KCNJ15: variants seen among roughly 807,000 people sequenced by gnomAD.
The protein encoded by KCNJ15 is potassium inwardly rectifying channel subfamily J member 15, also known as ATP-sensitive inward rectifier potassium channel 15.
Under a neutral mutation model 23.0 loss-of-function variants are expected in KCNJ15, and 14 were observed. The ratio of observed to expected loss-of-function variants is 0.61; its 90% CI spans 0.40 to 0.95. The LOEUF is 0.95. KCNJ15 is among the 40% of genes least tolerant of loss of function. KCNJ15 has a pLI of 0.00. For synonymous variants in KCNJ15, 185 were observed against 183.2 expected, an observed-to-expected ratio of 1.01 and a Z score of -0.08; for missense variants, 388 against 461.8, an observed-to-expected ratio of 0.84 and a Z score of 1.46.
chr21:38,252,709 T>C (rs1254122944), upstream of KCNJ15, among the ~76,000 whole-genome samples: 5 of 152,166 alleles, frequency 3.3e-5, no homozygotes, highest in Admixed American at 1.3e-4. Flanking sequence ...GATGGGAATA[T>C]TGAGGGATTG....
intron 1 of KCNJ15, among the ~76,000 whole-genome samples, chr21:38,244,706 C>T (rs1979246074): frequency 6.6e-6 from 1 of 152,020 alleles, no homozygotes; most frequent in Admixed American, 6.5e-5. Context: ...CCCTGCACAC[C>T]CTAGGATTCA....
chr21:38,288,030 G>GC (rs1984133651), intron 1 of KCNJ15, among the ~76,000 whole-genome samples: 1 of 81,424 alleles, frequency 1.2e-5, no homozygotes, highest in Non-Finnish European at 2.1e-5. Flanking sequence ...TTTTTTCTTT[G>GC]TTTTTTTTTT....
intron 1 of KCNJ15, among the ~76,000 whole-genome samples, chr21:38,296,378 C>T (rs1985159260): frequency 6.6e-6 from 1 of 152,160 alleles, no homozygotes; most frequent in African/African-American, 2.4e-5. Flanking sequence ...TTACATGAAA[C>T]TGTGGATGTT....
At chr21:38,288,433 G>A (rs530250853) in intron 1 of KCNJ15, among the ~76,000 whole-genome samples, 1 of 152,206 alleles carries the variant, frequency 6.6e-6, no homozygotes, top group South Asian at 2.1e-4. Flanking sequence ...ATGAAGATAA[G>A]AATTTTACCT....
intron 1 of KCNJ15, chr21:38,238,669 GA>G: frequency 1.9e-6 from 1 of 531,832 alleles, no homozygotes; most frequent in Non-Finnish European, 3.5e-6. Context: ...GGGCTCTGGA[GA>G]CTGTAATGTT....
intron 1 of KCNJ15, among the ~76,000 whole-genome samples, chr21:38,295,714 T>C (rs1294072273): frequency 6.6e-6 from 1 of 152,186 alleles, no homozygotes; most frequent in East Asian, 1.9e-4. Flanking sequence ...CCTAAGGCAG[T>C]AACATAAAAT....
chr21:38,284,928 GATGTATTTA>G (rs965796463), intron 1 of KCNJ15, among the ~76,000 whole-genome samples: 4 of 152,180 alleles, frequency 2.6e-5, no homozygotes, highest in African/African-American at 9.7e-5. Flanking sequence ...CTCATCTAAT[GATGTATTTA>G]ATGCCTCTTT....
intron 1 of KCNJ15, among the ~76,000 whole-genome samples, chr21:38,232,597 CT>C (rs1261478627): frequency 6.6e-6 from 1 of 151,726 alleles, no homozygotes; most frequent in East Asian, 1.9e-4. Context: ...TATACATTTT[CT>C]TCTAAACATT....
At chr21:38,251,471 CAGT>C (rs1404382484) in intron 1 of KCNJ15, among the ~76,000 whole-genome samples, 3 of 152,176 alleles carry the variant, frequency 2.0e-5, no homozygotes, top group Non-Finnish European at 4.4e-5. Flanking sequence ...CAACTAACTC[CAGT>C]AGAAGTTTAA....
intron 1 of KCNJ15, among the ~76,000 whole-genome samples, chr21:38,293,481 T>C (rs1299734429): frequency 6.6e-6 from 1 of 152,052 alleles, no homozygotes; most frequent in Non-Finnish European, 1.5e-5. Flanking sequence ...GCACAGCAAA[T>C]AGTTGGGAGC....
chr21:38,288,016 TTG>T, intron 1 of KCNJ15, among the ~76,000 whole-genome samples: 1 of 138,522 alleles, frequency 7.2e-6, no homozygotes, highest in Non-Finnish European at 1.6e-5. Context: ...GTTAAATAAC[TTG>T]TTTTTTTCTT....
intron 1 of KCNJ15, among the ~76,000 whole-genome samples, chr21:38,248,913 C>T (rs1279945498): frequency 6.6e-6 from 1 of 151,964 alleles, no homozygotes; most frequent in Non-Finnish European, 1.5e-5. Flanking sequence ...CTCCAAACTG[C>T]ATAAGGACCC....
In KCNJ15 at chr21:38,280,194, GGATGAACACCA is replaced by G. The variant is rs775692466; in HGVS notation, c.-116-16730_-116-16720del. Among the ~76,000 whole-genome samples the G allele has an allele frequency of 1.1e-3, 175 of 152,254 alleles. 1 individual carries two copies. Among genetic ancestry groups the G allele is most frequent in the Middle Eastern group, 0.01 (3 of 294 alleles). On this transcript the variant is annotated intron_variant, in intron 1 of 2. Coordinates refer to ENST00000398938, the MANE Select transcript of KCNJ15 (RefSeq NM_170736.3). Reference sequence around the variant, plus strand: ...GTCTAACTTAACCAGGGATCACTTAGGATGAACACCAGTTACACAGTATAGAAGACATAAAT... The same window carrying G: ...GTCTAACTTAACCAGGGATCACTTAGGTTACACAGTATAGAAGACATAAAT...
intron 1 of KCNJ15, among the ~76,000 whole-genome samples, chr21:38,232,139 T>G (rs556052288): frequency 1.5e-5 from 1 of 64,960 alleles, no homozygotes; most frequent in African/African-American, 3.4e-5. Flanking sequence ...CATTAGAGGT[T>G]TTTTTTTTTT....
rs138188277 is a variant in KCNJ15 at position 38,260,884 on chromosome 21, C to T, written c.-117+3699C>T. On this transcript the variant is annotated intron_variant, in intron 1 of 2. Transcript: ENST00000398938. ...AGAGCAGTCTTAATGTGCAGGGATC[C>T]GCATAGAACCAGCCAAGCAGGGCCT... Among the ~76,000 whole-genome samples the T allele has an allele frequency of 6.9e-3, 1,056 of 152,178 alleles. 22 individuals are homozygous for T. Among genetic ancestry groups the T allele is most frequent in the Admixed American group, 0.016 (250 of 15,278 alleles).
chr21:38,290,868 G>A (rs2836291), intron 1 of KCNJ15, among the ~76,000 whole-genome samples: 15,245 of 151,984 alleles, frequency 0.1, 2,171 homozygotes, highest in African/African-American at 0.32. Context: ...CTCTAACCTT[G>A]TTACTGGCTC....
At position 38,306,525 on chromosome 21, in the gene KCNJ15, T is replaced by G. The variant is rs1372559616; in HGVS notation, c.*6136T>G. 6.6e-6 allele frequency: 1 copy of G among 152,206 alleles called. No homozygotes were observed. The highest frequency in any genetic ancestry group is 1.5e-5 in the Non-Finnish European group (1 of 68,036). 9.4% of individuals were successfully genotyped at this position (152,206 alleles called of 1,614,324 possible). On this transcript the variant is annotated 3_prime_UTR_variant, in exon 3 of 3. Coordinates refer to ENST00000398938, the MANE Select transcript of KCNJ15 (RefSeq NM_170736.3). The stretch of plus-strand genomic sequence containing the variant: ...AGTTCAAAGGGAAGATTTTTTTCAT[T>G]CACTGTAGTTTTAGCTGTATTCTTT...
upstream of KCNJ15, among the ~76,000 whole-genome samples, chr21:38,252,274 T>C (rs1488011851): frequency 6.6e-6 from 1 of 152,238 alleles, no homozygotes; most frequent in Non-Finnish European, 1.5e-5. Context: ...TATGGAAATC[T>C]TGTGGGCTGC....
intron 1 of KCNJ15, among the ~76,000 whole-genome samples, chr21:38,280,871 C>T (rs1005556022): frequency 3.3e-5 from 5 of 152,124 alleles, no homozygotes; most frequent in African/African-American, 1.2e-4. Context: ...AATAAATTAC[C>T]TTCTATTGTA....
Sources: gnomAD v4.1 joint callset for allele counts (sites outside exome capture counted in the v4.1 genomes callset) on GRCh38, gnomAD v4.1.1 for gene constraint, MANE v1.5 for transcripts, NCBI Gene and HGNC (gene_info 2026-07-23, HGNC 2026-07-21) for gene names.